The following PDE4D variants were observed in gnomAD, a reference collection of about 807,000 sequenced individuals.
PDE4D encodes 3',5'-cyclic-AMP phosphodiesterase 4D.
PDE4D carries 24 observed loss-of-function variants against 87.4 expected under a neutral mutation model. The observed-to-expected ratio is 0.27, with a 90% CI of 0.20 to 0.39. The LOEUF is 0.39. Ranked by LOEUF, PDE4D falls within the 10% of genes least tolerant of loss-of-function variation. The pLI, the probability that PDE4D is intolerant of heterozygous loss-of-function variation, is 1.00. For synonymous variants in PDE4D, 384 were observed against 383.2 expected, an observed-to-expected ratio of 1.00 and a Z score of -0.02; for missense variants, 714 against 1,041.0, an observed-to-expected ratio of 0.69 and a Z score of 4.32.
chr5:59,078,396 T>C (rs78712445), intron 5 of PDE4D, among the ~76,000 whole-genome samples: 10,905 of 152,208 alleles, frequency 0.072, 519 homozygotes, highest in Middle Eastern at 0.12. Context: ...TTCATATATA[T>C]AAATATTCAG....
intron 5 of PDE4D, among the ~76,000 whole-genome samples, chr5:59,133,712 A>G (rs1213098041): frequency 6.6e-6 from 1 of 152,088 alleles, no homozygotes; most frequent in Non-Finnish European, 1.5e-5. Context: ...TATCACTGCA[A>G]TTGCCTCATG....
At chr5:59,086,210 T>G (rs774182098) in intron 5 of PDE4D, among the ~76,000 whole-genome samples, 1 of 152,196 alleles carries the variant, frequency 6.6e-6, no homozygotes, top group Non-Finnish European at 1.5e-5. Flanking sequence ...CACCCTATGC[T>G]GTACTGCCCA....
intron 5 of PDE4D, among the ~76,000 whole-genome samples, chr5:59,102,563 T>C (rs965687120): frequency 2.6e-5 from 4 of 152,216 alleles, no homozygotes; most frequent in African/African-American, 4.8e-5. Context: ...ATGACCATAA[T>C]GCTATATTAG....
intron 1 of PDE4D, among the ~76,000 whole-genome samples, chr5:59,864,956 A>G (rs1746803753): frequency 6.6e-6 from 1 of 152,190 alleles, no homozygotes; most frequent in Non-Finnish European, 1.5e-5. Flanking sequence ...GCACAGCAGC[A>G]GACAGTCTCA....
intron 5 of PDE4D, among the ~76,000 whole-genome samples, chr5:59,108,595 T>A (rs558547251): frequency 6.6e-6 from 1 of 152,258 alleles, no homozygotes; most frequent in East Asian, 1.9e-4. Context: ...CTCAAAATTC[T>A]TACCTTAAAA....
chr5:60,185,218 G>T (rs1012295797), intron 2 of PDE4D, among the ~76,000 whole-genome samples: 6 of 152,146 alleles, frequency 3.9e-5, no homozygotes, highest in South Asian at 2.1e-4. Context: ...TGCCCAGAAG[G>T]TTTCATATTC....
chr5:60,508,258 T>G (rs1329516295), intron 1 of PDE4D, among the ~76,000 whole-genome samples: 1 of 152,214 alleles, frequency 6.6e-6, no homozygotes, highest in Non-Finnish European at 1.5e-5. Flanking sequence ...CGATACCTGT[T>G]CCAGGAATAC....
rs535814517 is a variant in PDE4D at position 59,087,973 on chromosome 5, G to A, written c.809-49002C>T. On this transcript the variant is annotated intron_variant, in intron 5 of 14. Coordinates refer to ENST00000340635, the MANE Select transcript of PDE4D (RefSeq NM_001104631.2). ...TTGTTGTAATGTCATTGTCCTTTCT[G>A]TTTAACACCCTCAGTTGCTGGTCCT... Among the ~76,000 whole-genome samples the A allele has an allele frequency of 4.6e-5, 7 of 152,236 alleles. No individual in the cohort carries two copies. In the South Asian group the frequency reaches 1.5e-3, roughly 32 times the overall value.
chr5:60,154,990 T>C (rs1478196826), intron 2 of PDE4D, among the ~76,000 whole-genome samples: 1 of 152,216 alleles, frequency 6.6e-6, no homozygotes, highest in African/African-American at 2.4e-5. Flanking sequence ...TATTAGTTGG[T>C]TCTTTCTTTG....
upstream of PDE4D, among the ~76,000 whole-genome samples, chr5:59,894,039 G>A (rs1436730876): frequency 2.0e-5 from 3 of 152,152 alleles, no homozygotes; most frequent in Non-Finnish European, 2.9e-5. Context: ...AGTGGTAGCC[G>A]CCTCCAGGGC....
intron 5 of PDE4D, chr5:59,040,019 G>A (rs1295327421): frequency 6.6e-6 from 1 of 152,430 alleles, no homozygotes; most frequent in East Asian, 1.9e-4. Flanking sequence ...CAGACCGCTG[G>A]AGCCTCTGCG....
At chr5:59,900,438 C>T (rs1000302038) in intron 3 of PDE4D, among the ~76,000 whole-genome samples, 5 of 152,114 alleles carry the variant, frequency 3.3e-5, no homozygotes, top group Admixed American at 3.3e-4. Context: ...AAAAATATTT[C>T]TTCCTGGGAG....
At chr5:60,206,688 ACCACATTTT>A in intron 1 of PDE4D, among the ~76,000 whole-genome samples, 1 of 152,218 alleles carries the variant, frequency 6.6e-6, no homozygotes, top group East Asian at 1.9e-4. Context: ...TGCTGGATAA[ACCACATTTT>A]ACTATCTATC....
chr5:59,866,449 C>G (rs1002305675), intron 1 of PDE4D, among the ~76,000 whole-genome samples: 2 of 151,996 alleles, frequency 1.3e-5, no homozygotes, highest in Non-Finnish European at 2.9e-5. Flanking sequence ...ATTGCTTATT[C>G]CATCACAAAG....
At chr5:60,075,027 T>C (rs1054090738) in intron 2 of PDE4D, among the ~76,000 whole-genome samples, 5 of 152,204 alleles carry the variant, frequency 3.3e-5, no homozygotes, top group Non-Finnish European at 7.3e-5. Context: ...TTAATTTGTA[T>C]GGGTTTGATC....
At chr5:59,104,972 T>G (rs1323697404) in intron 5 of PDE4D, among the ~76,000 whole-genome samples, 1 of 152,224 alleles carries the variant, frequency 6.6e-6, no homozygotes, top group Non-Finnish European at 1.5e-5. Context: ...AATTACATAC[T>G]GTGATACACA....
intron 2 of PDE4D, among the ~76,000 whole-genome samples, chr5:60,041,955 G>A (rs1272435289): frequency 1.3e-5 from 2 of 151,362 alleles, no homozygotes; most frequent in Non-Finnish European, 2.9e-5. Flanking sequence ...CAGTGAGACA[G>A]AACCATTCAC....
chr5:59,381,671 C>T (rs1785897798), intron 1 of PDE4D, among the ~76,000 whole-genome samples: 1 of 152,090 alleles, frequency 6.6e-6, no homozygotes, highest in South Asian at 2.1e-4. Context: ...GTGCAAATAT[C>T]ACGTCTTTCT....
chr5:59,376,116 A>C (rs1309924489), intron 1 of PDE4D, among the ~76,000 whole-genome samples: 1 of 152,230 alleles, frequency 6.6e-6, no homozygotes, highest in East Asian at 1.9e-4. Flanking sequence ...ATTACCATTG[A>C]AAATGGGCAC....
Sources: gnomAD v4.1 joint callset for allele counts (sites outside exome capture counted in the v4.1 genomes callset) on GRCh38, gnomAD v4.1.1 for gene constraint, MANE v1.5 for transcripts, NCBI Gene and HGNC (gene_info 2026-07-23, HGNC 2026-07-21) for gene names.